Variants in MAP6 observed in about 807,000 individuals in gnomAD.
The protein encoded by MAP6 is microtubule-associated protein 6.
A neutral mutation model predicts 42.4 loss-of-function variants in MAP6; 26 were observed. The observed-to-expected ratio is 0.61, with a 90% CI of 0.45 to 0.85. MAP6 has a LOEUF of 0.85. MAP6 is among the 40% of genes least tolerant of loss of function. The probability of loss-of-function intolerance (pLI) is 0.00; values close to 1 mark genes in which losing one functional copy is unlikely to be tolerated. For synonymous variants in MAP6, 418 were observed against 443.8 expected (o/e 0.94, Z 0.73); for missense variants, 966 against 1,099.0 (o/e 0.88, Z 1.71).
chr11:75,646,263 CT>C (rs1347368879), intron 1 of MAP6, among the ~76,000 whole-genome samples: 4 of 152,150 alleles, frequency 2.6e-5, no homozygotes, highest in Admixed American at 6.5e-5. Flanking sequence ...ACATTATTGT[CT>C]TTCTAGAATT....
chr11:75,604,145 G>A (rs1472219139), intron 3 of MAP6: 1 of 985,760 alleles, frequency 1.0e-6, no homozygotes, highest in East Asian at 1.1e-4. Context: ...AGATAGAAAG[G>A]AAGGTCGCAG....
intron 1 of MAP6, among the ~76,000 whole-genome samples, chr11:75,642,041 C>G (rs1452478148): frequency 1.3e-5 from 2 of 152,194 alleles, no homozygotes; most frequent in African/African-American, 4.8e-5. Context: ...ATAAATTACA[C>G]TAAAATTAAA....
At position 75,635,445 on chromosome 11, in the gene MAP6, G is replaced by A. The variant is rs765964952; in HGVS notation, c.906-27123C>T. ...TTCCATCAGCACCAGGCCAGGCGGC[G>A]TCTCGCTGCCAAAAGCCCAATTAGG... On this transcript the variant is annotated intron_variant, in intron 1 of 3. Transcript: ENST00000304771. Among the ~76,000 whole-genome samples the A allele has an allele frequency of 2.8e-4, 42 of 152,212 alleles. 1 individual carries two copies. The highest frequency in any genetic ancestry group is 5.3e-4 in the Non-Finnish European group (36 of 68,036).
rs530593700 is a variant in MAP6, at chr11:75,610,805, G to A, written c.906-2483C>T. On this transcript the variant is annotated intron_variant, in intron 1 of 3. Coordinates refer to ENST00000304771, the MANE Select transcript of MAP6 (RefSeq NM_033063.2). ...TGGGCAGGACTTGGAAACTCATGAG[G>A]TGAGGTCAAGGGGGCATCTGGGGAG... Among the ~76,000 whole-genome samples the A allele has an allele frequency of 2.0e-5, 3 of 152,194 alleles. No individual in the cohort carries two copies. In the East Asian group the frequency reaches 5.8e-4, roughly 29 times the overall value.
chr11:75,605,461 C>A (rs1350576964), intron 3 of MAP6: 8 of 1,059,024 alleles, frequency 7.6e-6, no homozygotes, highest in Non-Finnish European at 9.1e-6. Flanking sequence ...GAGGAGGAGA[C>A]CCCACAGACA....
At chr11:75,629,513 A>G (rs1344907499) in intron 1 of MAP6, among the ~76,000 whole-genome samples, 1 of 152,152 alleles carries the variant, frequency 6.6e-6, no homozygotes, top group East Asian at 1.9e-4. Flanking sequence ...TTTTCCCTGA[A>G]TTAATTCTGT....
intron 1 of MAP6, among the ~76,000 whole-genome samples, chr11:75,634,152 G>A (rs1446323563): frequency 6.6e-6 from 1 of 152,164 alleles, no homozygotes; most frequent in Non-Finnish European, 1.5e-5. Flanking sequence ...GAAACTTGCT[G>A]AATGAGTGAA....
Position 75,608,506 on chromosome 11 carries a change from A to T in MAP6, c.906-184T>A, listed in dbSNP as rs567712322. 3.9e-5 allele frequency among the ~76,000 whole-genome samples: 6 copies of T among 152,248 alleles called. No individual in the cohort carries two copies. The South Asian group carries it at 1.2e-3, about 32-fold the overall frequency. ...GCAAGTCTCCCTTCTTGCAAAGTTGACCCAGGTTGGGTTGTGGCAATAGCA... is the reference window on the plus strand; with the variant it reads ...GCAAGTCTCCCTTCTTGCAAAGTTGTCCCAGGTTGGGTTGTGGCAATAGCA... On this transcript the variant is annotated intron_variant, in intron 1 of 3. Transcript: ENST00000304771.
At chr11:75,649,530 G>GATTT (rs565109126) in intron 1 of MAP6, among the ~76,000 whole-genome samples, 14 of 152,062 alleles carry the variant, frequency 9.2e-5, no homozygotes, top group East Asian at 7.7e-4. Context: ...AAGAAAATAT[G>GATTT]ATTTATTTAT....
Position 75,668,637 on chromosome 11 carries a change from T to G in MAP6, c.-268A>C. 1.8e-5 allele frequency: 5 copies of G among 285,060 alleles called. No individual in the cohort carries two copies. The highest frequency in any genetic ancestry group is 1.3e-4 in the South Asian group (1 of 7,834). 17.7% of individuals were successfully genotyped at this position (285,060 alleles called of 1,614,324 possible). A position where few individuals can be genotyped will look rare whatever the true frequency, so the allele number is the denominator to read the frequency against. ...GCGCCGAAGGGTGAGACGCACGGCG[T>G]TCCCGAGTCCCCGGCGAGGGTGTCT... On this transcript the variant is annotated 5_prime_UTR_variant, in exon 1 of 4. Coordinates refer to ENST00000304771, the MANE Select transcript of MAP6 (RefSeq NM_033063.2).
At chr11:75,592,394 A>T (rs609131) in intron 3 of MAP6, among the ~76,000 whole-genome samples, 109,229 of 152,160 alleles carry the variant, frequency 0.72, 39,496 homozygotes, top group African/African-American at 0.79. Context: ...AAATGGAAAG[A>T]TTTAAAAGTT....
At chr11:75,650,486 C>T (rs750619289) in intron 1 of MAP6, among the ~76,000 whole-genome samples, 9 of 152,172 alleles carry the variant, frequency 5.9e-5, no homozygotes, top group Admixed American at 1.3e-4. Context: ...CATTACACTG[C>T]TCATTCCATG....
At chr11:75,620,483 G>GA (rs61563507) in intron 1 of MAP6, among the ~76,000 whole-genome samples, 7,663 of 69,654 alleles carry the variant, frequency 0.11, 279 homozygotes, top group East Asian at 0.26. Context: ...TCAAAAGAGA[G>GA]AAAAAAAAAA....
chr11:75,627,416 G>A (rs947782849), intron 1 of MAP6, among the ~76,000 whole-genome samples: 5 of 152,200 alleles, frequency 3.3e-5, no homozygotes, highest in African/African-American at 7.2e-5. Flanking sequence ...TCAAAGACAC[G>A]CCTAAACGGC....
intron 1 of MAP6, chr11:75,636,041 C>T (rs1943363670): frequency 6.6e-6 from 1 of 152,238 alleles, no homozygotes; most frequent in South Asian, 2.1e-4. Flanking sequence ...AGGGGTTTGT[C>T]AGAATGCAGG....
chr11:75,633,127 C>G (rs1248922007), intron 1 of MAP6, among the ~76,000 whole-genome samples: 1 of 151,758 alleles, frequency 6.6e-6, no homozygotes, highest in Non-Finnish European at 1.5e-5. Context: ...AACATATCTT[C>G]ACTTAAGTAT....
intron 1 of MAP6, among the ~76,000 whole-genome samples, chr11:75,647,347 CAAAAAAA>C: frequency 1.1e-4 from 5 of 44,188 alleles, no homozygotes; most frequent in Non-Finnish European, 1.3e-4. Flanking sequence ...CCCACCTGAT[CAAAAAAA>C]AAAAAAAAAA....
intron 3 of MAP6, chr11:75,603,577 G>C: frequency 1.1e-6 from 1 of 950,242 alleles, no homozygotes; most frequent in Non-Finnish European, 1.2e-6. Flanking sequence ...GTAGGAAGTT[G>C]GTCCCTGGGG....
Position 75,587,262 on chromosome 11 carries a change from T to G in MAP6, c.2239A>C (p.Lys747Gln). The change falls in exon 4 of 4, where the codon AAG becomes CAG. Residue 747 changes from lysine to glutamine, a missense_variant. Coordinates refer to ENST00000304771, the MANE Select transcript of MAP6 (RefSeq NM_033063.2). Reference sequence around the variant, plus strand: ...ACTGGGACTATAGGAACTTGATTCTTCAGAGGTTCAGGGACTATACGACCT... The same window carrying G: ...ACTGGGACTATAGGAACTTGATTCTGCAGAGGTTCAGGGACTATACGACCT... ...NQGRIVPEPL[K>Q]NQVPIVPVPL... 6.2e-7 allele frequency: 1 copy of G among 1,614,156 alleles called. No homozygotes were observed. The highest frequency in any genetic ancestry group is 8.5e-7 in the Non-Finnish European group (1 of 1,180,020).
Sources: allele counts gnomAD v4.1 joint callset (sites outside exome capture counted in the v4.1 genomes callset), GRCh38; gene constraint gnomAD v4.1.1; transcripts MANE v1.5; gene names NCBI Gene and HGNC (gene_info 2026-07-23, HGNC 2026-07-21).